The following ZNF217 variants were observed in gnomAD, a reference collection of about 807,000 sequenced individuals.
ZNF217 encodes the protein zinc finger protein 217.
Under a neutral mutation model 73.3 loss-of-function variants are expected in ZNF217, and 12 were observed. The observed-to-expected ratio is 0.16, with a 90% CI of 0.10 to 0.27. ZNF217 has a LOEUF of 0.27. ZNF217 is among the 10% of genes least tolerant of loss of function. ZNF217 has a pLI of 1.00. For synonymous variants in ZNF217, 588 were observed against 516.4 expected, an observed-to-expected ratio of 1.14 and a Z score of -1.88; for missense variants, 1,195 against 1,327.8, an observed-to-expected ratio of 0.90 and a Z score of 1.55.
chr20:53,573,125 ATTT>A (rs58075044), intron 4 of ZNF217, among the ~76,000 whole-genome samples: 5 of 141,162 alleles, frequency 3.5e-5, no homozygotes, highest in Non-Finnish European at 3.1e-5. Context: ...CTGTAGTACT[ATTT>A]TTTTTTTTTT....
intron 1 of ZNF217, among the ~76,000 whole-genome samples, chr20:53,585,112 A>AC (rs1417584236): frequency 2.1e-4 from 31 of 150,412 alleles, no homozygotes; most frequent in Non-Finnish European, 3.6e-4. Context: ...AAAAAAAAAA[A>AC]AAAAAACTAA....
At chr20:53,572,346 G>A (rs530370353) in intron 4 of ZNF217, among the ~76,000 whole-genome samples, 5 of 152,078 alleles carry the variant, frequency 3.3e-5, no homozygotes, top group South Asian at 4.2e-4. Context: ...CCCGGAGGTC[G>A]AGGCTGCAGT....
intron 3 of ZNF217, 33 bp downstream of exon 3, chr20:53,578,301 T>C: frequency 7.1e-7 from 1 of 1,406,988 alleles, no homozygotes. Context: ...ATAATTTAAC[T>C]AATGCATGGT....
At chr20:53,574,846 G>A (rs1170207995) in intron 4 of ZNF217, 1 of 151,846 alleles carries the variant, frequency 6.6e-6, no homozygotes, top group African/African-American at 2.4e-5. Context: ...GCAACTCCAG[G>A]TGGATTGGCA....
Position 53,569,247 on chromosome 20 carries a change from A to G in ZNF217, c.*41T>C, listed in dbSNP as rs773627493. The G allele has an allele frequency of 7.4e-7, 1 of 1,346,696 alleles. No individual in the cohort carries two copies. Among genetic ancestry groups the G allele is most frequent in the Non-Finnish European group, 9.9e-7 (1 of 1,013,076 alleles). The allele number at this position is 1,346,696 out of a possible 1,614,324, so 83.4% of individuals were successfully genotyped here. A position where few individuals can be genotyped will look rare whatever the true frequency, so the allele number is the denominator to read the frequency against. On this transcript the variant is annotated 3_prime_UTR_variant, in exon 6 of 6. Transcript: ENST00000371471. ...AAATTTAATTTCATGGGGAGTAAGC[A>G]CTGACATCCACCAAGACCTAAGGAA...
At position 53,581,734 on chromosome 20, in the gene ZNF217, G is replaced by C. The variant is rs186676017; in HGVS notation, c.1093C>G (p.Pro365Ala). 2.3e-5 allele frequency: 37 copies of C among 1,614,242 alleles called. No individual in the cohort carries two copies. The African/African-American group carries it at 2.8e-4, about 12-fold the overall frequency. Residue 365 changes from proline to alanine, a missense_variant, in exon 2 of 6, where the codon CCC (proline) becomes GCC (alanine). Around this residue, in one of 9 missense-constraint regions of ZNF217, gnomAD observed 102 missense variants for 91.9 expected, o/e 1.11. Coordinates refer to ENST00000371471, the MANE Select transcript of ZNF217 (RefSeq NM_006526.3). The surrounding 1 kb of genome is among the most constrained non-coding windows in gnomAD (Gnocchi z 4.9). ...HGEAPSVDAD[P>A]KLPSSKEKPT... is the part of the protein sequence containing the mutation. Reference sequence around the variant, plus strand: ...TTCTCCTTGCTACTGGGTAACTTGGGATCCGCGTCCACGGAGGGCGCTTCG... The same window carrying C: ...TTCTCCTTGCTACTGGGTAACTTGGCATCCGCGTCCACGGAGGGCGCTTCG...
intron 1 of ZNF217, among the ~76,000 whole-genome samples, chr20:53,586,294 C>T (rs3971356): frequency 3.3e-5 from 5 of 152,140 alleles, no homozygotes; most frequent in Non-Finnish European, 7.3e-5. Context: ...CAGTCACTAA[C>T]CGTAACTGAT....
intron 1 of ZNF217, among the ~76,000 whole-genome samples, chr20:53,592,812 G>C (rs1988927397): frequency 6.7e-6 from 1 of 148,546 alleles, no homozygotes; most frequent in African/African-American, 2.5e-5. Context: ...TCACCACTCG[G>C]CACCTCCTGG....
chr20:53,592,989 A>G (rs1988935097), intron 1 of ZNF217, among the ~76,000 whole-genome samples: 1 of 151,924 alleles, frequency 6.6e-6, no homozygotes, highest in Non-Finnish European at 1.5e-5. Flanking sequence ...TTAAGTGTTT[A>G]TAGAACATTA....
intron 1 of ZNF217, among the ~76,000 whole-genome samples, chr20:53,592,279 C>G (rs1988900582): frequency 6.6e-6 from 1 of 152,136 alleles, no homozygotes; most frequent in Admixed American, 6.5e-5. Flanking sequence ...GTTCAACGCT[C>G]CAAGCCCCAT....
chr20:53,573,421 C>T (rs919746262), intron 4 of ZNF217, among the ~76,000 whole-genome samples: 8 of 151,980 alleles, frequency 5.3e-5, no homozygotes, highest in Non-Finnish European at 1.0e-4. Flanking sequence ...GTAGCGTAAC[C>T]TATTCACATC....
upstream of ZNF217, among the ~76,000 whole-genome samples, chr20:53,594,038 C>A (rs1166663841): frequency 6.7e-6 from 1 of 149,256 alleles, no homozygotes; most frequent in South Asian, 2.1e-4. Context: ...CCTCCAAGAC[C>A]CCCCCCCAAC....
rs768846181 is a variant in ZNF217 at position 53,582,843 on chromosome 20, G to T, written c.-17C>A. 6.4e-7 allele frequency: 1 copy of T among 1,572,900 alleles called. No homozygotes were observed. The highest frequency in any genetic ancestry group is 1.4e-5 in the African/African-American group (1 of 73,934). ...CGATTGCATATAATCTCAAAGTTCC[G>T]TTGGGCAATTTCTGGAGTTGGAATA... On this transcript the variant is annotated 5_prime_UTR_variant, in exon 2 of 6. Transcript: ENST00000371471. The surrounding 1 kb of genome is among the most constrained non-coding windows in gnomAD (Gnocchi z 4.8).
chr20:53,586,734 A>T (rs1273536343), intron 1 of ZNF217, among the ~76,000 whole-genome samples: 2 of 152,268 alleles, frequency 1.3e-5, no homozygotes, highest in Non-Finnish European at 2.9e-5. Flanking sequence ...AGCAAAATAG[A>T]AATTCTAATC....
intron 4 of ZNF217, among the ~76,000 whole-genome samples, chr20:53,572,473 T>C (rs1988054385): frequency 6.6e-6 from 1 of 152,034 alleles, no homozygotes. Context: ...CTTTTCCCCC[T>C]TTAAGTAAAG....
chr20:53,581,329 G>C lies in ZNF217; in HGVS notation c.1366+132C>G. The C allele has an allele frequency of 4.7e-6, 6 of 1,284,644 alleles. No homozygotes were observed. Among genetic ancestry groups the C allele is most frequent in the Non-Finnish European group, 2.1e-6 (2 of 949,900 alleles). 79.6% of individuals were successfully genotyped at this position (1,284,644 alleles called of 1,614,324 possible). Reference sequence around the variant, plus strand: ...CTTACACAGAGTGATACCAAAAAGAGCCTGGACTTGACTCTGGCTCTCCAA... The same window carrying C: ...CTTACACAGAGTGATACCAAAAAGACCCTGGACTTGACTCTGGCTCTCCAA... On this transcript the variant is annotated intron_variant, in intron 2 of 5. Coordinates refer to ENST00000371471, the MANE Select transcript of ZNF217 (RefSeq NM_006526.3). The surrounding 1 kb of genome is among the most constrained non-coding windows in gnomAD (Gnocchi z 4.9).
chr20:53,585,700 T>C (rs537791089), intron 1 of ZNF217, among the ~76,000 whole-genome samples: 2 of 152,142 alleles, frequency 1.3e-5, no homozygotes, highest in Non-Finnish European at 2.9e-5. Flanking sequence ...ACACAAGACC[T>C]TGTAGGATTA....
At chr20:53,579,405 A>C (rs896926842) in intron 2 of ZNF217, among the ~76,000 whole-genome samples, 9 of 152,244 alleles carry the variant, frequency 5.9e-5, no homozygotes. Context: ...TGATCTTCTT[A>C]AGTCTTAAAA....
In ZNF217 at chr20:53,582,226, C is replaced by T; in HGVS notation, c.601G>A (p.Glu201Lys). Residue 201 changes from glutamate (E) to lysine (K), a missense_variant, in exon 2 of 6, where the codon GAG becomes AAG. Glu to Lys is a moderately conservative substitution (Grantham distance 56). This residue lies in a region of ZNF217 where 31 missense variants were observed against 72.2 expected (regional missense o/e 0.43). Coordinates refer to ENST00000371471, the MANE Select transcript of ZNF217 (RefSeq NM_006526.3). This position sits in a 1 kb window ranked among gnomAD's most constrained non-coding sequence, Gnocchi z 4.8. ...TCGGCCGCGTGCACCTGGACGACCTCGTTGATCGTTGCTGGACTACTCTCC... is the reference window on the plus strand; with the variant it reads ...TCGGCCGCGTGCACCTGGACGACCTTGTTGATCGTTGCTGGACTACTCTCC... ...GLESSPATIN[E>K]VVQVHAAESI... is the part of the protein sequence containing the mutation. The T allele has an allele frequency of 6.2e-7, 1 of 1,614,122 alleles. No homozygotes were observed. The highest frequency in any genetic ancestry group is 8.5e-7 in the Non-Finnish European group (1 of 1,180,048).
Sources: allele counts gnomAD v4.1 joint callset (sites outside exome capture counted in the v4.1 genomes callset), GRCh38; gene constraint gnomAD v4.1.1; regional missense constraint gnomAD v4.1.1; non-coding constraint Gnocchi (gnomAD v3.1); transcripts MANE v1.5; gene names NCBI Gene and HGNC (gene_info 2026-07-23, HGNC 2026-07-21).